Variants in ITGB3BP observed in about 807,000 individuals in gnomAD.
ITGB3BP encodes centromere protein R.
Under a neutral mutation model 29.1 loss-of-function variants are expected in ITGB3BP, and 27 were observed. That is an observed-to-expected ratio of 0.93 (90% CI 0.68 to 1.28). The LOEUF (loss-of-function observed/expected upper bound fraction) is 1.28, where lower values mean the gene tolerates loss of function less well. Ranked by LOEUF, ITGB3BP falls within the 50% of genes most tolerant of loss-of-function variation. The pLI, the probability that ITGB3BP is intolerant of heterozygous loss-of-function variation, is 0.00. For synonymous variants in ITGB3BP, 61 were observed against 61.4 expected (o/e 0.99, Z 0.03); for missense variants, 192 against 200.2 (o/e 0.96, Z 0.25).
intron 4 of ITGB3BP, among the ~76,000 whole-genome samples, chr1:63,463,733 CTGT>C (rs1645056484): frequency 6.6e-6 from 1 of 152,174 alleles, no homozygotes; most frequent in African/African-American, 2.4e-5. Flanking sequence ...TAACGTGTAG[CTGT>C]TTTTTTACAA....
At chr1:63,443,569 A>G (rs996179693) in intron 8 of ITGB3BP, among the ~76,000 whole-genome samples, 3 of 152,194 alleles carry the variant, frequency 2.0e-5, no homozygotes, top group Non-Finnish European at 4.4e-5. Flanking sequence ...GGATTTTATC[A>G]TACATATGGT....
intron 1 of ITGB3BP, among the ~76,000 whole-genome samples, chr1:63,512,512 T>C (rs998539860): frequency 6.6e-6 from 1 of 152,102 alleles, no homozygotes; most frequent in African/African-American, 2.4e-5. Flanking sequence ...TTTAAAACAT[T>C]AGTTTAAATA....
intron 4 of ITGB3BP, among the ~76,000 whole-genome samples, chr1:63,472,282 A>G (rs1476505769): frequency 1.3e-5 from 2 of 151,832 alleles, no homozygotes; most frequent in Non-Finnish European, 2.9e-5. Context: ...TGACTCCATC[A>G]AGGTACTGAA....
At chr1:63,489,033 C>T (rs1645589267) in intron 3 of ITGB3BP, among the ~76,000 whole-genome samples, 1 of 151,752 alleles carries the variant, frequency 6.6e-6, no homozygotes, top group Admixed American at 6.6e-5. Context: ...ATCTCTAAGG[C>T]ATTTATTTTT....
chr1:63,488,211 C>T (rs1645569745), intron 3 of ITGB3BP, among the ~76,000 whole-genome samples: 1 of 151,744 alleles, frequency 6.6e-6, no homozygotes, highest in Admixed American at 6.6e-5. Flanking sequence ...AAGATTATTC[C>T]AGGTGGAGAG....
chr1:63,468,883 A>AAAT (rs1196768337), intron 4 of ITGB3BP, among the ~76,000 whole-genome samples: 2 of 150,184 alleles, frequency 1.3e-5, no homozygotes, highest in Non-Finnish European at 3.0e-5. Context: ...ATAAATAAAT[A>AAAT]AATAAATAAA....
At position 63,463,901 on chromosome 1, in the gene ITGB3BP, C is replaced by T. The variant is rs1645060524; in HGVS notation, c.255-8933G>A. Among the ~76,000 whole-genome samples, 4 of 151,954 alleles carry T rather than the reference C, an allele frequency of 2.6e-5. No homozygotes were observed. The South Asian group carries it at 6.2e-4, about 24-fold the overall frequency. ...GGAATTGATTTCAGGACGTATTCAT[C>T]AGTAAAAAAGGCAAAGTGAAAAGAG... On this transcript the variant is annotated intron_variant, in intron 4 of 8. Coordinates refer to ENST00000271002, the MANE Select transcript of ITGB3BP (RefSeq NM_014288.5).
chr1:63,511,265 C>T (rs528994168), intron 1 of ITGB3BP, among the ~76,000 whole-genome samples: 1 of 151,896 alleles, frequency 6.6e-6, no homozygotes, highest in African/African-American at 2.4e-5. Context: ...TATTAAAAAA[C>T]CAAACAAAAC....
chr1:63,498,747 T>G (rs1397693949), intron 2 of ITGB3BP, among the ~76,000 whole-genome samples: 1 of 151,228 alleles, frequency 6.6e-6, no homozygotes, highest in Non-Finnish European at 1.5e-5. Context: ...CAACAGATAT[T>G]AGTGGTGGTG....
intron 1 of ITGB3BP, among the ~76,000 whole-genome samples, chr1:63,509,112 T>A (rs758682287): frequency 1.6e-4 from 24 of 152,200 alleles, no homozygotes; most frequent in Non-Finnish European, 3.1e-4. Context: ...TATGTCTTTA[T>A]AAGTCCCCAA....
chr1:63,524,997 A>T (rs1481858850), upstream of ITGB3BP, among the ~76,000 whole-genome samples: 1 of 152,198 alleles, frequency 6.6e-6, no homozygotes, highest in African/African-American at 2.4e-5. Flanking sequence ...TGCATTATTG[A>T]GATGTTAATG....
chr1:63,496,831 G>C (rs933652678), intron 2 of ITGB3BP, among the ~76,000 whole-genome samples: 1 of 152,240 alleles, frequency 6.6e-6, no homozygotes, highest in Non-Finnish European at 1.5e-5. Flanking sequence ...TTGGACATGA[G>C]TATGAATAGG....
chr1:63,477,130 T>A (rs796489282), intron 4 of ITGB3BP, among the ~76,000 whole-genome samples: 1 of 152,170 alleles, frequency 6.6e-6, no homozygotes, highest in Non-Finnish European at 1.5e-5. Context: ...AGAGGACAGA[T>A]GGAGGAGATG....
chr1:63,497,744 G>C (rs1645824667), intron 2 of ITGB3BP, among the ~76,000 whole-genome samples: 1 of 152,094 alleles, frequency 6.6e-6, no homozygotes, highest in Admixed American at 6.6e-5. Flanking sequence ...ACAGAAGGTA[G>C]GCTGAGTGTG....
chr1:63,474,730 T>C (rs58523779), intron 4 of ITGB3BP, among the ~76,000 whole-genome samples: 6 of 151,172 alleles, frequency 4.0e-5, no homozygotes, highest in Non-Finnish European at 8.9e-5. Flanking sequence ...TCCCTAATCT[T>C]AAGTACCCAG....
chr1:63,444,578 GAT>G (rs4025751), intron 8 of ITGB3BP, among the ~76,000 whole-genome samples: 8,927 of 141,948 alleles, frequency 0.063, 1,077 homozygotes, highest in African/African-American at 0.22. Flanking sequence ...TACATAATAG[GAT>G]ATATATATAT....
chr1:63,465,073 A>C (rs1413051287), intron 4 of ITGB3BP, among the ~76,000 whole-genome samples: 1 of 152,202 alleles, frequency 6.6e-6, no homozygotes, highest in Non-Finnish European at 1.5e-5. Flanking sequence ...TAATTATATC[A>C]ATGTTAAATT....
At chr1:63,450,244 A>G (rs747006309) in intron 7 of ITGB3BP, among the ~76,000 whole-genome samples, 2 of 151,984 alleles carry the variant, frequency 1.3e-5, no homozygotes, top group Admixed American at 1.3e-4. Flanking sequence ...AGATGGTTCC[A>G]TTTCATTTAA....
chr1:63,520,649 GA>G (rs1197027690), intron 1 of ITGB3BP, among the ~76,000 whole-genome samples: 3 of 152,076 alleles, frequency 2.0e-5, no homozygotes, highest in Non-Finnish European at 4.4e-5. Context: ...GGATACTAAT[GA>G]AAAAATGTAA....
Sources: allele counts gnomAD v4.1 joint callset (sites outside exome capture counted in the v4.1 genomes callset), GRCh38; gene constraint gnomAD v4.1.1; transcripts MANE v1.5; gene names NCBI Gene and HGNC (gene_info 2026-07-23, HGNC 2026-07-21).